Variants in DYNC2H1 observed in about 807,000 individuals in gnomAD.
DYNC2H1 encodes the protein dynein cytoplasmic 2 heavy chain 1.
A neutral mutation model predicts 570.0 loss-of-function variants in DYNC2H1; 410 were observed. That is an observed-to-expected ratio of 0.72 (90% CI 0.66 to 0.78). The LOEUF (loss-of-function observed/expected upper bound fraction) is 0.78. Ranked by LOEUF, DYNC2H1 falls within the 30% of genes least tolerant of loss-of-function variation. The probability of loss-of-function intolerance (pLI) is 0.00; values close to 1 mark genes in which losing one functional copy is unlikely to be tolerated. For synonymous variants in DYNC2H1, 1,688 were observed against 1,677.6 expected (o/e 1.01, Z -0.15); for missense variants, 4,865 against 5,046.4 (o/e 0.96, Z 1.09).
intron 83 of DYNC2H1, among the ~76,000 whole-genome samples, chr11:103,370,033 A>C (rs948629710): frequency 1.3e-5 from 2 of 152,214 alleles, no homozygotes; most frequent in African/African-American, 4.8e-5. Flanking sequence ...CAATTTCAGG[A>C]CTTGGCTCTT....
intron 75 of DYNC2H1, among the ~76,000 whole-genome samples, chr11:103,297,565 C>T (rs1866886472): frequency 6.6e-6 from 1 of 152,056 alleles, no homozygotes; most frequent in Non-Finnish European, 1.5e-5. Flanking sequence ...TGTTACTGTA[C>T]TGAATGCTAT....
chr11:103,428,185 CTT>C (rs35767159), intron 84 of DYNC2H1, among the ~76,000 whole-genome samples: 11 of 134,728 alleles, frequency 8.2e-5, no homozygotes, highest in African/African-American at 1.9e-4. Context: ...ATAACATGAG[CTT>C]TTTTTTTTTT....
Position 103,432,587 on chromosome 11 carries a change from C to T in DYNC2H1, c.12367-3356C>T, listed in dbSNP as rs530549013. The stretch of plus-strand genomic sequence containing the variant: ...TGTGAACTCAAATAAGAAAATCACT[C>T]GAATTTGCTTTTTGCCTAACATCAT... On this transcript the variant is annotated intron_variant, in intron 84 of 88. Transcript: ENST00000375735. Among the ~76,000 whole-genome samples, 7 of 152,062 alleles carry T rather than the reference C, an allele frequency of 4.6e-5. No individual in the cohort carries two copies. The South Asian group carries it at 1.2e-3, about 27-fold the overall frequency.
rs1865596606 is a variant in DYNC2H1 at position 103,268,714 on chromosome 11, AT to A, written c.10695+8738del. Among the ~76,000 whole-genome samples, 1 of 151,998 alleles carries A rather than the reference AT, an allele frequency of 6.6e-6. No individual in the cohort carries two copies. Among genetic ancestry groups the A allele is most frequent in the East Asian group, 1.9e-4 (1 of 5,206 alleles). ...AATCTTTTTTGAAAGTGGATATGTT[AT>A]AAATAAATATTATTATTAAAAATTG... is the stretch of plus-strand genomic sequence containing the variant. On this transcript the variant is annotated intron_variant, in intron 70 of 88. Transcript: ENST00000375735. The surrounding 1 kb of genome is among the most constrained non-coding windows in gnomAD (Gnocchi z 4.6).
chr11:103,153,582 A>G (rs183919217), intron 22 of DYNC2H1, 74 bp downstream of exon 22: 28 of 1,288,468 alleles, frequency 2.2e-5, no homozygotes, highest in Non-Finnish European at 1.7e-5. Flanking sequence ...TAATTTTCTT[A>G]TGTCTGTTAT....
In DYNC2H1 at chr11:103,245,290, T is replaced by C; in HGVS notation, c.9958T>C (p.Phe3320Leu). 6.4e-7 allele frequency: 1 copy of C among 1,554,838 alleles called. No homozygotes were observed. Among genetic ancestry groups the C allele is most frequent in the Non-Finnish European group, 8.7e-7 (1 of 1,148,330 alleles). The change falls in exon 65 of 89, where the codon TTT becomes CTT. Residue 3320 changes from phenylalanine to leucine, a missense_variant. Transcript: ENST00000375735. The surrounding 1 kb of genome is among the most constrained non-coding windows in gnomAD (Gnocchi z 4.5). ...CACAGCTCTTGAATTAGCAGTACGTTTTGGGAAAACCCTTATTATACAAGA... is the reference window on the plus strand; with the variant it reads ...CACAGCTCTTGAATTAGCAGTACGTCTTGGGAAAACCCTTATTATACAAGA... ...FITALELAVR[F>L]GKTLIIQEMD...
At chr11:103,155,627 C>CA in intron 25 of DYNC2H1, 126 bp downstream of exon 25, 1 of 907,770 alleles carries the variant, frequency 1.1e-6, no homozygotes, top group Non-Finnish European at 1.6e-6. Context: ...AAAAAGTAAA[C>CA]AAACACAAAT....
chr11:103,222,878 A>AC, intron 58 of DYNC2H1, 87 bp from the exon 59 acceptor site: 2 of 1,538,078 alleles, frequency 1.3e-6, no homozygotes, highest in Non-Finnish European at 1.8e-6. Flanking sequence ...CAAGTTAATA[A>AC]GTGCCCAAAT....
Position 103,163,217 on chromosome 11 carries a change from A to G in DYNC2H1, c.4611+70A>G. 1 of 1,502,802 alleles carries G rather than the reference A, an allele frequency of 6.7e-7. No individual in the cohort carries two copies. Among genetic ancestry groups the G allele is most frequent in the Non-Finnish European group, 8.9e-7 (1 of 1,120,010 alleles). The allele number at this position is 1,502,802 out of a possible 1,614,324, so 93.1% of individuals were successfully genotyped here. A position where few individuals can be genotyped will look rare whatever the true frequency, so the allele number is the denominator to read the frequency against. ...AAAGATCCCTGACCTAGAAGCCAGG[A>G]GGCTCAGATAAATCGCATCTGTTTT... On this transcript the variant is annotated intron_variant, in intron 30 of 88. Coordinates refer to ENST00000375735, the MANE Select transcript of DYNC2H1 (RefSeq NM_001377.3). The surrounding 1 kb of genome is among the most constrained non-coding windows in gnomAD (Gnocchi z 4.6).
intron 11 of DYNC2H1, among the ~76,000 whole-genome samples, chr11:103,124,820 A>T (rs1858907757): frequency 1.3e-5 from 2 of 152,168 alleles, no homozygotes; most frequent in Non-Finnish European, 2.9e-5. Flanking sequence ...GTCAATTTTG[A>T]GTTTTAGCTG....
intron 70 of DYNC2H1, among the ~76,000 whole-genome samples, chr11:103,260,285 T>C (rs1865219656): frequency 6.6e-6 from 1 of 152,194 alleles, no homozygotes; most frequent in Non-Finnish European, 1.5e-5. Context: ...TTTCTCATCC[T>C]CAGCAACTGA....
intron 74 of DYNC2H1, among the ~76,000 whole-genome samples, chr11:103,287,320 G>A (rs941747108): frequency 6.6e-6 from 1 of 152,020 alleles, no homozygotes; most frequent in African/African-American, 2.4e-5. Context: ...TTGATGATAG[G>A]CTTGAGGAAG....
chr11:103,229,129 A>G (rs1279523647), intron 59 of DYNC2H1, among the ~76,000 whole-genome samples: 1 of 152,180 alleles, frequency 6.6e-6, no homozygotes, highest in Non-Finnish European at 1.5e-5. Flanking sequence ...GCAGCCAGTG[A>G]CCAGGGCTGA....
chr11:103,156,527 G>A lies in DYNC2H1; in HGVS notation c.3884G>A (p.Trp1295Ter). The A allele has an allele frequency of 6.2e-7, 1 of 1,613,656 alleles. No individual in the cohort carries two copies. ...CGAACTATGAAGCTGATTAAAGACT[G>A]GAAAGATATAGTAAATCAGGTTGGA... ...QSRTMKLIKD[W>*]KDIVNQVGDN... Residue 1295 changes from tryptophan to a stop codon, truncating the protein, a stop_gained, in exon 26 of 89, where the codon TGG becomes TAG. Transcript: ENST00000375735. LOFTEE classifies it high-confidence loss of function.
chr11:103,146,566 T>C (rs1378708015), intron 18 of DYNC2H1, among the ~76,000 whole-genome samples: 1 of 152,208 alleles, frequency 6.6e-6, no homozygotes, highest in Admixed American at 6.5e-5. Flanking sequence ...AATACACTTA[T>C]AAAATGTAGA....
chr11:103,252,646 T>C lies in DYNC2H1; in HGVS notation c.10043-639T>C, dbSNP rs1864880713. Among the ~76,000 whole-genome samples, 2 of 152,208 alleles carry C rather than the reference T, an allele frequency of 1.3e-5. No homozygotes were observed. The highest frequency in any genetic ancestry group is 4.8e-5 in the African/African-American group (2 of 41,458). ...CTGTTGGCCATATTTGTATCTTCTTTGGAGAAATGTCTATTCAGGTCCTTT... is the reference window on the plus strand; with the variant it reads ...CTGTTGGCCATATTTGTATCTTCTTCGGAGAAATGTCTATTCAGGTCCTTT... On this transcript the variant is annotated intron_variant, in intron 65 of 88. Coordinates refer to ENST00000375735, the MANE Select transcript of DYNC2H1 (RefSeq NM_001377.3). The surrounding 1 kb of genome is among the most constrained non-coding windows in gnomAD (Gnocchi z 4.6).
intron 88 of DYNC2H1, among the ~76,000 whole-genome samples, chr11:103,476,391 G>T (rs895834948): frequency 5.3e-5 from 8 of 152,112 alleles, no homozygotes; most frequent in Non-Finnish European, 1.2e-4. Context: ...TATTTGATAT[G>T]TGTGTATTTT....
At chr11:103,274,345 G>A (rs962093201) in intron 70 of DYNC2H1, among the ~76,000 whole-genome samples, 6 of 152,040 alleles carry the variant, frequency 3.9e-5, no homozygotes, top group African/African-American at 2.4e-5. Context: ...GGGCAACAGA[G>A]TGAGACCATG....
intron 1 of DYNC2H1, 134 bp downstream of exon 1, chr11:103,109,903 C>G (rs1858029753): frequency 1.1e-6 from 1 of 932,582 alleles, no homozygotes; most frequent in Non-Finnish European, 1.5e-6. Context: ...GTCTCCACTT[C>G]TCCTGCATTA....
Sources: gnomAD v4.1 joint callset for allele counts (sites outside exome capture counted in the v4.1 genomes callset) on GRCh38, gnomAD v4.1.1 for gene constraint, Gnocchi (gnomAD v3.1) non-coding constraint, MANE v1.5 for transcripts, NCBI Gene and HGNC (gene_info 2026-07-23, HGNC 2026-07-21) for gene names.